Variants in KCNQ3 observed in about 807,000 individuals in gnomAD.
The protein encoded by KCNQ3 is potassium voltage-gated channel subfamily Q member 3.
A neutral mutation model predicts 92.5 loss-of-function variants in KCNQ3; 30 were observed. That is an observed-to-expected ratio of 0.32 (90% CI 0.24 to 0.44). KCNQ3 has a LOEUF of 0.44. KCNQ3 is among the 20% of genes least tolerant of loss of function. KCNQ3 has a pLI of 1.00. For synonymous variants in KCNQ3, 450 were observed against 468.8 expected (o/e 0.96, Z 0.52); for missense variants, 913 against 1,140.3 (o/e 0.80, Z 2.87).
At chr8:132,205,509 TG>T (rs1346641010) in intron 1 of KCNQ3, among the ~76,000 whole-genome samples, 1 of 152,234 alleles carries the variant, frequency 6.6e-6, no homozygotes, top group East Asian at 1.9e-4. Flanking sequence ...CAGCACTGTC[TG>T]TGTACAAGGC....
rs150803363 is a variant in KCNQ3, at chr8:132,141,172, C to G, written c.1422G>C (p.Thr474=). Residue 474 remains threonine (T), a synonymous_variant, in exon 10 of 15, where the codon ACG becomes ACC. Coordinates refer to ENST00000388996, the MANE Select transcript of KCNQ3 (RefSeq NM_004519.4). ...AAGCGTAGGCTTTCATGCGGAAGGC[C>G]GTGCGGAAACGCTCTTTATTGTTTA... The part of the protein sequence containing the change: ...VGLNNKERFR[T]AFRMKAYAFW... The G allele has an allele frequency of 6.2e-7, 1 of 1,614,118 alleles. No homozygotes were observed. The highest frequency in any genetic ancestry group is 1.7e-5 in the Admixed American group (1 of 60,014).
intron 1 of KCNQ3, among the ~76,000 whole-genome samples, chr8:132,388,888 A>G (rs986220539): frequency 1.3e-5 from 2 of 152,180 alleles, no homozygotes; most frequent in African/African-American, 4.8e-5. Context: ...TTCTGATTCC[A>G]TTCTATGATT....
chr8:132,368,156 AT>A (rs1309549360), intron 1 of KCNQ3, among the ~76,000 whole-genome samples: 1 of 152,234 alleles, frequency 6.6e-6, no homozygotes, highest in African/African-American at 2.4e-5. Context: ...CGTTTTCCTT[AT>A]AAACATCACA....
intron 1 of KCNQ3, among the ~76,000 whole-genome samples, chr8:132,215,772 C>T (rs892507473): frequency 2.6e-5 from 4 of 152,328 alleles, no homozygotes; most frequent in Non-Finnish European, 5.9e-5. Context: ...GGTGAAGGCA[C>T]GGCTTCCCTG....
At chr8:132,413,354 A>C (rs903652809) in intron 1 of KCNQ3, among the ~76,000 whole-genome samples, 7 of 152,140 alleles carry the variant, frequency 4.6e-5, no homozygotes, top group African/African-American at 1.7e-4. Context: ...ACGTTATTTC[A>C]AGTCACCCTT....
chr8:132,470,731 T>C (rs1167260291), intron 1 of KCNQ3, among the ~76,000 whole-genome samples: 3 of 152,240 alleles, frequency 2.0e-5, no homozygotes, highest in Non-Finnish European at 4.4e-5. Context: ...CTGGAACCAA[T>C]CAAGAGTCAA....
Position 132,180,275 on chromosome 8 carries a change from T to C in KCNQ3, c.659A>G (p.Asn220Ser), listed in dbSNP as rs1826713495. Residue 220 changes from asparagine (N) to serine (S), a missense_variant, in exon 4 of 15, where the codon AAT (asparagine) becomes AGT (serine). Coordinates refer to ENST00000388996, the MANE Select transcript of KCNQ3 (RefSeq NM_004519.4). ...VPVVAVGNQG[N>S]VLATSLRSLR... ...GCTTCGCAGGGAGGTGGCCAGAACA[T>C]TGCCTTGGTTTCCCACAGCAACCAC... The C allele has an allele frequency of 1.2e-6, 2 of 1,613,980 alleles. No individual in the cohort carries two copies. The highest frequency in any genetic ancestry group is 1.3e-5 in the African/African-American group (1 of 74,930).
Position 132,461,817 on chromosome 8 carries a change from A to G in KCNQ3, c.386+18330T>C, listed in dbSNP as rs375419386. Among the ~76,000 whole-genome samples, 7 of 152,302 alleles carry G rather than the reference A, an allele frequency of 4.6e-5. No individual in the cohort carries two copies. The East Asian group carries it at 7.7e-4, about 17-fold the overall frequency. ...TTTCATCTGCTTATCTGCCATCTAT[A>G]TATCTTCTTTAATGAGATGTCTGTC... On this transcript the variant is annotated intron_variant, in intron 1 of 14. Transcript: ENST00000388996.
At chr8:132,186,818 A>G (rs968636760) in intron 1 of KCNQ3, among the ~76,000 whole-genome samples, 6 of 152,154 alleles carry the variant, frequency 3.9e-5, no homozygotes, top group Non-Finnish European at 7.4e-5. Flanking sequence ...TAAAATTCAC[A>G]GAGAGGTCAC....
intron 1 of KCNQ3, among the ~76,000 whole-genome samples, chr8:132,416,060 C>G (rs1820795334): frequency 6.6e-6 from 1 of 152,154 alleles, no homozygotes; most frequent in Non-Finnish European, 1.5e-5. Flanking sequence ...GGACTCAGAC[C>G]TGGTGCTAGA....
chr8:132,172,655 C>T lies in KCNQ3; in HGVS notation c.1083G>A (p.Glu361=). The change falls in exon 7 of 15, where the codon GAG becomes GAA. Residue 361 remains glutamate (E), a synonymous_variant. Transcript: ENST00000388996. ...LGSGLALKVQ[E]QHRQKHFEKR... is the part of the protein sequence containing the mutation. The stretch of plus-strand genomic sequence containing the variant: ...TCTCAAAGTGCTTCTGACGGTGTTG[C>T]TCCTGCACCTTGAGGGCCAGCCCGG... The T allele has an allele frequency of 1.2e-6, 2 of 1,614,016 alleles. No homozygotes were observed. The highest frequency in any genetic ancestry group is 1.3e-5 in the African/African-American group (1 of 75,072).
chr8:132,235,779 T>C (rs985685472), intron 1 of KCNQ3, among the ~76,000 whole-genome samples: 1 of 152,212 alleles, frequency 6.6e-6, no homozygotes, highest in Non-Finnish European at 1.5e-5. Flanking sequence ...CTGGCTCCTT[T>C]GCATCATTTA....
chr8:132,398,661 CAGAA>C (rs1303202154), intron 1 of KCNQ3, among the ~76,000 whole-genome samples: 2 of 152,034 alleles, frequency 1.3e-5, no homozygotes, highest in Admixed American at 1.3e-4. Context: ...TGGCTGGAAA[CAGAA>C]AGACAGGCAG....
intron 6 of KCNQ3, among the ~76,000 whole-genome samples, chr8:132,173,748 T>A (rs1826458426): frequency 6.6e-6 from 1 of 152,162 alleles, no homozygotes; most frequent in Non-Finnish European, 1.5e-5. Context: ...AGTTACTCTA[T>A]CATAGGTCAA....
chr8:132,146,372 T>C (rs545471018), intron 9 of KCNQ3, among the ~76,000 whole-genome samples: 1 of 152,298 alleles, frequency 6.6e-6, no homozygotes, highest in South Asian at 2.1e-4. Flanking sequence ...CTAAATGAAA[T>C]AAGCCCTTCA....
chr8:132,313,263 T>G (rs1021159935), intron 1 of KCNQ3, among the ~76,000 whole-genome samples: 2 of 152,196 alleles, frequency 1.3e-5, no homozygotes, highest in African/African-American at 4.8e-5. Flanking sequence ...TGAAGAATAG[T>G]TTAGAAAAAC....
intron 1 of KCNQ3, among the ~76,000 whole-genome samples, chr8:132,305,669 C>T (rs560335502): frequency 2.0e-5 from 3 of 152,190 alleles, no homozygotes; most frequent in East Asian, 1.9e-4. Flanking sequence ...GCTGTACCTG[C>T]CCAACCCCCA....
Position 132,175,573 on chromosome 8 carries a change from T to C in KCNQ3, c.813A>G (p.Thr271=), listed in dbSNP as rs762710625. 2 of 1,614,080 alleles carry C rather than the reference T, an allele frequency of 1.2e-6. No homozygotes were observed. The highest frequency in any genetic ancestry group is 3.3e-5 in the Admixed American group (2 of 60,026). The part of the protein sequence containing the change: ...LITAWYIGFL[T]LILSSFLVYL... ...AGACAAGAAATGAAGAAAGGATGAG[T>C]GTCAGGAAACCGATGTACCAGGCCG... The change falls in exon 5 of 15, where the codon ACA becomes ACG. Residue 271 remains threonine, a synonymous_variant. Coordinates refer to ENST00000388996, the MANE Select transcript of KCNQ3 (RefSeq NM_004519.4).
intron 1 of KCNQ3, among the ~76,000 whole-genome samples, chr8:132,471,084 G>T (rs1190455290): frequency 6.6e-6 from 1 of 152,142 alleles, no homozygotes; most frequent in Non-Finnish European, 1.5e-5. Flanking sequence ...TGATTTACAT[G>T]CATGCCAAGG....
Sources: allele counts gnomAD v4.1 joint callset (sites outside exome capture counted in the v4.1 genomes callset), GRCh38; gene constraint gnomAD v4.1.1; transcripts MANE v1.5; gene names NCBI Gene and HGNC (gene_info 2026-07-23, HGNC 2026-07-21).